Variants in NR3C2 observed in about 807,000 individuals in gnomAD.
The protein encoded by NR3C2 is mineralocorticoid receptor.
A neutral mutation model predicts 86.4 loss-of-function variants in NR3C2; 15 were observed. The observed-to-expected ratio is 0.17, with a 90% CI of 0.12 to 0.27. The LOEUF is 0.27. Ranked by LOEUF, NR3C2 falls within the 10% of genes least tolerant of loss-of-function variation. The pLI is 1.00. For synonymous variants in NR3C2, 458 were observed against 450.5 expected (o/e 1.02, Z -0.21); for missense variants, 960 against 1,195.6 (o/e 0.80, Z 2.91).
chr4:148,279,095 G>A (rs887628304), intron 2 of NR3C2, among the ~76,000 whole-genome samples: 13 of 152,094 alleles, frequency 8.5e-5, no homozygotes, highest in African/African-American at 2.2e-4. Flanking sequence ...CTCAGGAGGC[G>A]GAGGTTGCAG....
chr4:148,213,455 C>A (rs1737379832), intron 3 of NR3C2, among the ~76,000 whole-genome samples: 1 of 152,124 alleles, frequency 6.6e-6, no homozygotes, highest in Admixed American at 6.6e-5. Flanking sequence ...TTTAGTGTTA[C>A]CTAATAACTT....
chr4:148,159,043 T>A (rs72653818), intron 4 of NR3C2, among the ~76,000 whole-genome samples: 1 of 152,212 alleles, frequency 6.6e-6, no homozygotes, highest in African/African-American at 2.4e-5. Context: ...CTTAATTCAT[T>A]ATATTTATAT....
At chr4:148,411,959 A>G (rs1748728906) in intron 2 of NR3C2, among the ~76,000 whole-genome samples, 1 of 152,234 alleles carries the variant, frequency 6.6e-6, no homozygotes, top group Non-Finnish European at 1.5e-5. Flanking sequence ...TTAGGGAGAC[A>G]GCATCAATTT....
chr4:148,402,282 G>A (rs1427750939), intron 2 of NR3C2, among the ~76,000 whole-genome samples: 1 of 152,202 alleles, frequency 6.6e-6, no homozygotes, highest in Non-Finnish European at 1.5e-5. Flanking sequence ...AGGAAAAACT[G>A]GAAGTAGGGG....
intron 2 of NR3C2, among the ~76,000 whole-genome samples, chr4:148,319,979 G>A (rs1209732932): frequency 2.0e-5 from 3 of 147,144 alleles, no homozygotes; most frequent in Non-Finnish European, 4.4e-5. Flanking sequence ...AATGCTTCCA[G>A]TTTTTGCCCA....
chr4:148,314,380 CTT>C (rs1451648962), intron 2 of NR3C2, among the ~76,000 whole-genome samples: 3 of 152,038 alleles, frequency 2.0e-5, no homozygotes, highest in Non-Finnish European at 4.4e-5. Context: ...TATTAGAACT[CTT>C]TGCATTTGAG....
Position 148,325,882 on chromosome 4 carries a change from C to T in NR3C2, c.1758-65765G>A, listed in dbSNP as rs533276271. 5.3e-5 allele frequency among the ~76,000 whole-genome samples: 8 copies of T among 152,168 alleles called. No individual in the cohort carries two copies. The East Asian group carries it at 1.4e-3, about 26-fold the overall frequency. ...TTTTTTCCATTAAGTAGGAGATACA[C>T]ACAGACGTGTGCTAGTTTGGATGCA... On this transcript the variant is annotated intron_variant, in intron 2 of 8. Coordinates refer to ENST00000358102, the MANE Select transcript of NR3C2 (RefSeq NM_000901.5).
chr4:148,109,000 C>T (rs1332773899), intron 8 of NR3C2, among the ~76,000 whole-genome samples: 3 of 152,192 alleles, frequency 2.0e-5, no homozygotes, highest in South Asian at 4.1e-4. Context: ...AGCCTAAAAA[C>T]GAGCAGCTGC....
At chr4:148,223,789 T>C (rs1355741053) in intron 3 of NR3C2, among the ~76,000 whole-genome samples, 1 of 152,190 alleles carries the variant, frequency 6.6e-6, no homozygotes, top group East Asian at 1.9e-4. Flanking sequence ...AGGTTATAAA[T>C]GTTAGTGCCT....
At chr4:148,177,908 C>T (rs970607256) in intron 4 of NR3C2, among the ~76,000 whole-genome samples, 1 of 152,202 alleles carries the variant, frequency 6.6e-6, no homozygotes, top group African/African-American at 2.4e-5. Context: ...TAATGTTCTA[C>T]AAGAGAATGT....
intron 2 of NR3C2, among the ~76,000 whole-genome samples, chr4:148,400,055 T>C (rs952692399): frequency 1.3e-5 from 2 of 152,260 alleles, no homozygotes; most frequent in Non-Finnish European, 2.9e-5. Flanking sequence ...TTTAAAACGT[T>C]TTATGTCTCT....
At chr4:148,120,742 C>T (rs988013198) in intron 6 of NR3C2, among the ~76,000 whole-genome samples, 1 of 152,198 alleles carries the variant, frequency 6.6e-6, no homozygotes, top group Admixed American at 6.5e-5. Context: ...AATCTTATTT[C>T]TCCATGGGCC....
intron 2 of NR3C2, among the ~76,000 whole-genome samples, chr4:148,323,535 C>T (rs1055991426): frequency 3.4e-5 from 4 of 115,994 alleles, no homozygotes; most frequent in Admixed American, 8.7e-5. Context: ...AGCGAGACTC[C>T]GTGAGTGTAG....
intron 4 of NR3C2, among the ~76,000 whole-genome samples, chr4:148,175,420 C>G (rs1237343002): frequency 6.6e-6 from 1 of 152,170 alleles, no homozygotes; most frequent in Non-Finnish European, 1.5e-5. Flanking sequence ...TGATTCTGAG[C>G]TGCAGTGAGA....
chr4:148,115,498 T>C (rs1732233542), intron 7 of NR3C2, among the ~76,000 whole-genome samples: 1 of 152,276 alleles, frequency 6.6e-6, no homozygotes, highest in Admixed American at 6.5e-5. Context: ...CTTTCACTTC[T>C]TAATTACCTA....
intron 2 of NR3C2, among the ~76,000 whole-genome samples, chr4:148,300,342 C>G (rs537874829): frequency 6.6e-6 from 1 of 152,136 alleles, no homozygotes; most frequent in East Asian, 1.9e-4. Context: ...CTCTGAGCAC[C>G]TGAAAGGTTA....
At chr4:148,117,613 G>A (rs191221887) in intron 7 of NR3C2, among the ~76,000 whole-genome samples, 21 of 152,248 alleles carry the variant, frequency 1.4e-4, no homozygotes, top group Middle Eastern at 3.4e-3. Context: ...ATAATATATG[G>A]AAAAACACTT....
intron 2 of NR3C2, among the ~76,000 whole-genome samples, chr4:148,412,731 T>C (rs1313763097): frequency 6.6e-6 from 1 of 152,232 alleles, no homozygotes; most frequent in Non-Finnish European, 1.5e-5. Context: ...ATAATTTTTA[T>C]CTTTTAATCT....
At chr4:148,299,326 T>C (rs1480930820) in intron 2 of NR3C2, among the ~76,000 whole-genome samples, 2 of 152,194 alleles carry the variant, frequency 1.3e-5, no homozygotes, top group African/African-American at 4.8e-5. Context: ...CTTTTTGTCC[T>C]TGGACTTCTT....
Sources: gnomAD v4.1 joint callset for allele counts (sites outside exome capture counted in the v4.1 genomes callset) on GRCh38, gnomAD v4.1.1 for gene constraint, MANE v1.5 for transcripts, NCBI Gene and HGNC (gene_info 2026-07-23, HGNC 2026-07-21) for gene names.